The following AUTS2 variants were observed in gnomAD, a reference collection of about 807,000 sequenced individuals.
AUTS2 encodes the protein autism susceptibility gene 2 protein.
AUTS2 carries 17 observed loss-of-function variants against 112.4 expected under a neutral mutation model. That is an observed-to-expected ratio of 0.15 (90% CI 0.10 to 0.23). The LOEUF is 0.23. AUTS2 is among the 10% of genes least tolerant of loss of function. The pLI, the probability that AUTS2 is intolerant of heterozygous loss-of-function variation, is 1.00. For synonymous variants in AUTS2, 751 were observed against 702.7 expected, an observed-to-expected ratio of 1.07 and a Z score of -1.09; for missense variants, 1,510 against 1,701.6, an observed-to-expected ratio of 0.89 and a Z score of 1.98.
In AUTS2 at chr7:69,841,277, G is replaced by T. The variant is rs189974255; in HGVS notation, c.310-58009G>T. 4.9e-4 allele frequency among the ~76,000 whole-genome samples: 74 copies of T among 152,308 alleles called. No homozygotes were observed. In the East Asian group the frequency reaches 0.014, roughly 29 times the overall value. ...AGGCTTTGCAGGAAGCATGGTGCTG[G>T]CATCTGCTCAGCTTCTAGAAGGAGG... On this transcript the variant is annotated intron_variant, in intron 1 of 18. Coordinates refer to ENST00000342771, the MANE Select transcript of AUTS2 (RefSeq NM_015570.4).
chr7:70,487,124 G>A (rs1005993776), intron 5 of AUTS2, among the ~76,000 whole-genome samples: 7 of 152,016 alleles, frequency 4.6e-5, no homozygotes, highest in Non-Finnish European at 8.8e-5. Context: ...GACGGTAGCC[G>A]CTTAGTGTGA....
At chr7:70,551,938 T>C (rs1801030258) in intron 5 of AUTS2, among the ~76,000 whole-genome samples, 1 of 152,260 alleles carries the variant, frequency 6.6e-6, no homozygotes, top group South Asian at 2.1e-4. Flanking sequence ...GCATCAATTA[T>C]CTGGAAAATT....
In AUTS2 at chr7:69,906,480, G is replaced by A. The variant is rs544350191; in HGVS notation, c.522+6982G>A. On this transcript the variant is annotated intron_variant, in intron 2 of 18. Coordinates refer to ENST00000342771, the MANE Select transcript of AUTS2 (RefSeq NM_015570.4). ...GATAGCCACATGCTGCGTGATTCCCGTGGGAGTTGATGGTGGTGACAGGCG... is the reference window on the plus strand; with the variant it reads ...GATAGCCACATGCTGCGTGATTCCCATGGGAGTTGATGGTGGTGACAGGCG... Among the ~76,000 whole-genome samples, 8 of 152,314 alleles carry A rather than the reference G, an allele frequency of 5.3e-5. No individual in the cohort carries two copies. The Middle Eastern group carries it at 0.01, about 194-fold the overall frequency.
chr7:70,072,715 C>A (rs990479272), intron 2 of AUTS2, among the ~76,000 whole-genome samples: 1 of 152,088 alleles, frequency 6.6e-6, no homozygotes, highest in South Asian at 2.1e-4. Context: ...GTGTAATGAG[C>A]GTTTCTGCAT....
chr7:70,387,900 T>C (rs1161320872), intron 4 of AUTS2, among the ~76,000 whole-genome samples: 1 of 152,170 alleles, frequency 6.6e-6, no homozygotes, highest in Non-Finnish European at 1.5e-5. Flanking sequence ...TCAACACATA[T>C]GTCATATCCC....
chr7:70,759,797 A>G (rs1273324786), intron 6 of AUTS2, among the ~76,000 whole-genome samples: 1 of 152,154 alleles, frequency 6.6e-6, no homozygotes, highest in African/African-American at 2.4e-5. Context: ...AGGTAAACAG[A>G]GTCAAGCTAG....
chr7:70,455,371 T>A (rs1173235989), intron 5 of AUTS2, among the ~76,000 whole-genome samples: 2 of 151,842 alleles, frequency 1.3e-5, no homozygotes, highest in African/African-American at 2.4e-5. Context: ...AGGACTGAAG[T>A]GGGGAGAGTG....
chr7:69,599,782 C>T lies in AUTS2; in HGVS notation c.129C>T (p.Thr43=), dbSNP rs777541048. ...CCGGCGGCGGCGGGGCTGGCCGGAC[C>T]CGGGCGCTCTCACTCGCCTCGTCGT... ...GAAGGGGAGR[T]RALSLASSSG... The change falls in exon 1 of 19, where the codon ACC becomes ACT. Residue 43 remains threonine (T), a synonymous_variant. Coordinates refer to ENST00000342771, the MANE Select transcript of AUTS2 (RefSeq NM_015570.4). The surrounding 1 kb of genome is among the most constrained non-coding windows in gnomAD (Gnocchi z 7.0). The T allele has an allele frequency of 3.2e-6, 5 of 1,538,802 alleles. No homozygotes were observed. In the South Asian group the frequency reaches 4.8e-5, roughly 15 times the overall value.
chr7:70,245,169 TAAAA>T (rs1180448969), intron 4 of AUTS2, among the ~76,000 whole-genome samples: 4 of 118,590 alleles, frequency 3.4e-5, no homozygotes, highest in African/African-American at 1.3e-4. Context: ...TATATATATA[TAAAA>T]AATAAAAAAT....
rs537274168 is a variant in AUTS2 at position 70,187,138 on chromosome 7, C to T, written c.660+52567C>T. On this transcript the variant is annotated intron_variant, in intron 4 of 18. Coordinates refer to ENST00000342771, the MANE Select transcript of AUTS2 (RefSeq NM_015570.4). ...TAGTAGATTAGTAGGGGAGCCATTC[C>T]AAAGAGTTTCTTATAATTAAGTGAA... 2.6e-5 allele frequency among the ~76,000 whole-genome samples: 4 copies of T among 152,236 alleles called. 1 individual carries two copies. The South Asian group carries it at 8.3e-4, about 32-fold the overall frequency.
intron 2 of AUTS2, among the ~76,000 whole-genome samples, chr7:69,907,033 G>A (rs545783801): frequency 9.9e-5 from 15 of 152,128 alleles, no homozygotes; most frequent in Non-Finnish European, 1.9e-4. Context: ...CAAGGGCCCA[G>A]GAAGTTAAGG....
intron 2 of AUTS2, among the ~76,000 whole-genome samples, chr7:70,029,757 G>A (rs941592427): frequency 9.2e-5 from 14 of 152,008 alleles, no homozygotes; most frequent in Non-Finnish European, 1.6e-4. Flanking sequence ...TGCTACAGAG[G>A]GAAAAATATT....
intron 2 of AUTS2, among the ~76,000 whole-genome samples, chr7:69,944,124 G>A (rs1270428170): frequency 6.6e-6 from 1 of 152,200 alleles, no homozygotes; most frequent in Non-Finnish European, 1.5e-5. Context: ...ACCAGGCTGC[G>A]ATGTGGGGGA....
intron 6 of AUTS2, among the ~76,000 whole-genome samples, chr7:70,711,267 C>A (rs1040941330): frequency 6.6e-6 from 1 of 152,200 alleles, no homozygotes; most frequent in African/African-American, 2.4e-5. Context: ...AAACTGCCTA[C>A]TCTGAGGGTT....
intron 16 of AUTS2, chr7:70,785,527 A>T: frequency 4.3e-6 from 2 of 466,960 alleles, no homozygotes; most frequent in South Asian, 3.1e-5. Flanking sequence ...GTGTACAGGC[A>T]GATTCAGGCA....
In AUTS2 at chr7:69,845,665, C is replaced by T. The variant is rs185801258; in HGVS notation, c.310-53621C>T. On this transcript the variant is annotated intron_variant, in intron 1 of 18. Coordinates refer to ENST00000342771, the MANE Select transcript of AUTS2 (RefSeq NM_015570.4). ...TAGCAGGGAGGGGAGTGTTTGTGAA[C>T]GAAGGGAGGGTCCAGTTCTCTAAAG... 8.9e-4 allele frequency among the ~76,000 whole-genome samples: 136 copies of T among 152,196 alleles called. 1 individual carries two copies. The highest frequency in any genetic ancestry group is 1.7e-3 in the Non-Finnish European group (117 of 68,006).
chr7:70,368,797 T>C (rs1792703896), intron 4 of AUTS2, among the ~76,000 whole-genome samples: 1 of 152,070 alleles, frequency 6.6e-6, no homozygotes, highest in Non-Finnish European at 1.5e-5. Flanking sequence ...TATAAGTAAA[T>C]AGGGAAGGGA....
chr7:70,765,012 C>T lies in AUTS2; in HGVS notation c.1468+7C>T, dbSNP rs374398806. ...GCCGGGAGCACTTACTCAGGTAGGACGGAGGGGCCTGTGCTCGTGACCCCG... is the reference window on the plus strand; with the variant it reads ...GCCGGGAGCACTTACTCAGGTAGGATGGAGGGGCCTGTGCTCGTGACCCCG... On this transcript the variant is annotated splice_region_variant and intron_variant, in intron 8 of 18. Transcript: ENST00000342771. The T allele has an allele frequency of 2.3e-5, 37 of 1,613,578 alleles. No homozygotes were observed. Among genetic ancestry groups the T allele is most frequent in the African/African-American group, 8.0e-5 (6 of 74,864 alleles).
intron 1 of AUTS2, among the ~76,000 whole-genome samples, chr7:69,790,549 G>T (rs1417532052): frequency 6.6e-6 from 1 of 152,162 alleles, no homozygotes; most frequent in Non-Finnish European, 1.5e-5. Flanking sequence ...TCCTGGCTTT[G>T]TGACCTTGAG....
Sources: gnomAD v4.1 joint callset for allele counts (sites outside exome capture counted in the v4.1 genomes callset) on GRCh38, gnomAD v4.1.1 for gene constraint, Gnocchi (gnomAD v3.1) non-coding constraint, MANE v1.5 for transcripts, NCBI Gene and HGNC (gene_info 2026-07-23, HGNC 2026-07-21) for gene names.